The following COL3A1 variants were observed in gnomAD, a reference collection of about 807,000 sequenced individuals.
The protein encoded by COL3A1 is collagen type III alpha 1 chain, also known as collagen alpha-1(III) chain.
In COL3A1, 46 loss-of-function variants were observed where a neutral mutation model predicts 200.9. The observed-to-expected ratio is 0.23, with a 90% confidence interval of 0.18 to 0.29. COL3A1 has a LOEUF of 0.29. Among genes scored for constraint, COL3A1 ranks in the 10% least tolerant of loss-of-function variants. The pLI is 1.00. For synonymous variants in COL3A1, 650 were observed against 628.0 expected (o/e 1.03, Z -0.52); for missense variants, 1,367 against 1,917.6 (o/e 0.71, Z 5.36).
Position 188,988,045 on chromosome 2 carries a change from C to G in COL3A1, c.529-36C>G, listed in dbSNP as rs760814928. ...GCATGGATAAAGTGTATTTTGCATT[C>G]ATTTATTTTGTTTTTCATTCAAATT... On this transcript the variant is annotated intron_variant, in intron 5 of 50. Transcript: ENST00000304636. 7 of 1,513,106 alleles carry G rather than the reference C, an allele frequency of 4.6e-6. No individual in the cohort carries two copies. In the African/African-American group the frequency reaches 8.2e-5, roughly 18 times the overall value. 93.7% of individuals were successfully genotyped at this position (1,513,106 alleles called of 1,614,324 possible). A position where few individuals can be genotyped will look rare whatever the true frequency, so the allele number is the denominator to read the frequency against.
intron 1 of COL3A1, among the ~76,000 whole-genome samples, chr2:188,983,598 C>T (rs1306524815): frequency 6.6e-6 from 1 of 151,890 alleles, no homozygotes; most frequent in Non-Finnish European, 1.5e-5. Context: ...CTTAGGACCA[C>T]TAAAAGGCCT....
At chr2:188,978,411 C>T (rs369639538) in intron 1 of COL3A1, among the ~76,000 whole-genome samples, 1 of 151,974 alleles carries the variant, frequency 6.6e-6, no homozygotes, top group East Asian at 1.9e-4. Context: ...TCTACATCTA[C>T]GGTCACATGC....
rs1294079794 is a variant in COL3A1 at position 189,012,506 on chromosome 2, GC to G, written c.*733del. ...AACTCTAGATCAGAATTGTTGACTT[GC>G]ATTCAGAACATAAATGCACAAAATC... is the stretch of plus-strand genomic sequence containing the variant. On this transcript the variant is annotated 3_prime_UTR_variant, in exon 51 of 51. Coordinates refer to ENST00000304636, the MANE Select transcript of COL3A1 (RefSeq NM_000090.4). 6.6e-6 allele frequency: 1 copy of G among 152,552 alleles called. No individual in the cohort carries two copies. The highest frequency in any genetic ancestry group is 2.4e-5 in the African/African-American group (1 of 41,414). The allele number at this position is 152,552 out of a possible 1,614,324, so 9.4% of individuals were successfully genotyped here.
chr2:188,996,072 A>G, intron 22 of COL3A1, 53 bp from the exon 23 acceptor site: 1 of 1,518,538 alleles, frequency 6.6e-7, no homozygotes. Context: ...TGTATGTAGT[A>G]ATTTTTTATT....
intron 31 of COL3A1, 105 bp downstream of exon 31, chr2:188,999,682 T>C: frequency 7.1e-7 from 1 of 1,402,902 alleles, no homozygotes; most frequent in South Asian, 1.2e-5. Flanking sequence ...AAATTAATGT[T>C]ATCATTTTAT....
intron 1 of COL3A1, chr2:188,978,254 A>G (rs1463832700): frequency 5.5e-6 from 1 of 182,832 alleles, no homozygotes; most frequent in African/African-American, 2.4e-5. Flanking sequence ...AGAAGGAAAG[A>G]CTGTGATTAA....
intron 3 of COL3A1, 105 bp from the exon 4 acceptor site, chr2:188,985,560 C>T (rs1315266662): frequency 1.3e-6 from 1 of 754,012 alleles, no homozygotes; most frequent in Non-Finnish European, 2.2e-6. Context: ...AAATATATTA[C>T]TTATATTGTT....
At chr2:188,993,268 T>G in intron 15 of COL3A1, 93 bp from the exon 16 acceptor site, 1 of 1,074,078 alleles carries the variant, frequency 9.3e-7, no homozygotes. Flanking sequence ...TACTCCAACT[T>G]TTGGGAGATG....
In COL3A1 at chr2:188,994,909, C is replaced by T. The variant is rs567470878; in HGVS notation, c.1455+78C>T. 3 of 1,566,886 alleles carry T rather than the reference C, an allele frequency of 1.9e-6. No individual in the cohort carries two copies. In the South Asian group the frequency reaches 3.3e-5, roughly 17 times the overall value. On this transcript the variant is annotated intron_variant, in intron 20 of 50. Coordinates refer to ENST00000304636, the MANE Select transcript of COL3A1 (RefSeq NM_000090.4). The surrounding 1 kb of genome is among the most constrained non-coding windows in gnomAD (Gnocchi z 4.5). Reference sequence around the variant, plus strand: ...TAAAACTACCTTCAGGGTGAGACAGCCAATTTTTCTTAAGTTGAGTGTTCA... The same window carrying T: ...TAAAACTACCTTCAGGGTGAGACAGTCAATTTTTCTTAAGTTGAGTGTTCA...
At chr2:189,003,328 T>G (rs1688511974) in intron 36 of COL3A1, 83 bp from the exon 37 acceptor site, 1 of 1,192,034 alleles carries the variant, frequency 8.4e-7, no homozygotes, top group Non-Finnish European at 1.2e-6. Flanking sequence ...CTTCATAGAG[T>G]TCCTGGTTTT....
At chr2:188,987,257 C>A in intron 5 of COL3A1, 118 bp downstream of exon 5, 1 of 828,034 alleles carries the variant, frequency 1.2e-6, no homozygotes. Flanking sequence ...AAATAGCTTA[C>A]CCCTACTAAG....
rs1224538144 is a variant in COL3A1, at chr2:189,007,534, C to A, written c.3290C>A (p.Thr1097Lys). 6.2e-7 allele frequency: 1 copy of A among 1,613,528 alleles called. No homozygotes were observed. Among genetic ancestry groups the A allele is most frequent in the Admixed American group, 1.7e-5 (1 of 59,960 alleles). ...PQGPRGDKGE[T>K]GERGAAGIKG... is the part of the protein sequence containing the mutation. ...GGCCCACGTGGTGACAAAGGTGAAA[C>A]AGGTGAACGTGGAGCTGCTGGCATC... is the stretch of plus-strand genomic sequence containing the variant. Residue 1097 changes from threonine (T) to lysine (K), a missense_variant, in exon 45 of 51, where the codon ACA becomes AAA. Coordinates refer to ENST00000304636, the MANE Select transcript of COL3A1 (RefSeq NM_000090.4).
At chr2:188,990,826 C>T (rs1688172716) in intron 10 of COL3A1, among the ~76,000 whole-genome samples, 178 bp from the exon 11 acceptor site, 2 of 152,086 alleles carry the variant, frequency 1.3e-5, no homozygotes, top group African/African-American at 4.8e-5. Flanking sequence ...TTCATGTTTT[C>T]CTGTTGTAAA....
At position 188,989,435 on chromosome 2, in the gene COL3A1, C is replaced by G. The variant is rs768997695; in HGVS notation, c.676C>G (p.Pro226Ala). The G allele has an allele frequency of 6.2e-7, 1 of 1,607,386 alleles. No homozygotes were observed. Among genetic ancestry groups the G allele is most frequent in the South Asian group, 1.1e-5 (1 of 90,450 alleles). ...TCCTGGTGCTATAGGTCCATCTGGT[C>G]CTGCTGGAAAAGATGTAAGTTTTTA... ...GPPGAIGPSG[P>A]AGKDGESGRP... The change falls in exon 8 of 51, where the codon CCT (proline) becomes GCT (alanine). Residue 226 changes from proline to alanine, a missense_variant. Around this residue, in one of 5 missense-constraint regions of COL3A1, gnomAD observed 462 missense variants for 681.4 expected, o/e 0.68. Coordinates refer to ENST00000304636, the MANE Select transcript of COL3A1 (RefSeq NM_000090.4).
rs1315453941 is a variant in COL3A1, at chr2:188,991,011, A to G, written c.806A>G (p.Asp269Gly). The G allele has an allele frequency of 6.2e-7, 1 of 1,613,304 alleles. No homozygotes were observed. Among genetic ancestry groups the G allele is most frequent in the Non-Finnish European group, 8.5e-7 (1 of 1,179,494 alleles). ...FPGMKGHRGF[D>G]GRNGEKGETG... ...GTTTTATACATTTCCTAGGGCTTCG[A>G]TGGACGAAATGGAGAAAAGGGTGAA... is the stretch of plus-strand genomic sequence containing the variant. The change falls in exon 11 of 51, where the codon GAT becomes GGT. Residue 269 changes from aspartate (D) to glycine (G), a missense_variant. By Grantham distance (94) the Asp-to-Gly change is moderately conservative. This residue lies in a region of COL3A1 where 462 missense variants were observed against 681.4 expected (regional missense o/e 0.68). Transcript: ENST00000304636.
In COL3A1 at chr2:188,974,462, C is replaced by A; in HGVS notation, c.-28C>A. 1 of 1,585,714 alleles carries A rather than the reference C, an allele frequency of 6.3e-7. No homozygotes were observed. Among genetic ancestry groups the A allele is most frequent in the Non-Finnish European group, 8.7e-7 (1 of 1,154,820 alleles). The stretch of plus-strand genomic sequence containing the variant: ...CTGCTTTTCTTTTCTCCTTTTTGCA[C>A]AAAGAGTCTCATGTCTGATATTTAG... On this transcript the variant is annotated 5_prime_UTR_variant, in exon 1 of 51. Coordinates refer to ENST00000304636, the MANE Select transcript of COL3A1 (RefSeq NM_000090.4).
chr2:189,003,413 T>C lies in COL3A1; in HGVS notation c.2556T>C (p.Gly852=), dbSNP rs1388203405. Residue 852 remains glycine, a splice_region_variant and synonymous_variant, in exon 37 of 51, where the codon GGT becomes GGC. Transcript: ENST00000304636. ...AGPPGGSGPA[G]PPGPQGVKGE... ...TAATTTCCTTCCATTTCATATAGGGTCCTCCTGGTCCCCAAGGTGTCAAAG... is the reference window on the plus strand; with the variant it reads ...TAATTTCCTTCCATTTCATATAGGGCCCTCCTGGTCCCCAAGGTGTCAAAG... The C allele has an allele frequency of 1.2e-6, 2 of 1,613,750 alleles. No individual in the cohort carries two copies. Among genetic ancestry groups the C allele is most frequent in the African/African-American group, 2.7e-5 (2 of 74,916 alleles).
chr2:189,010,558 T>C, intron 49 of COL3A1, 90 bp from the exon 50 acceptor site: 1 of 1,544,516 alleles, frequency 6.5e-7, no homozygotes, highest in Non-Finnish European at 8.9e-7. Context: ...AAACAGCCCA[T>C]ATTACAATAT....
chr2:188,996,526 A>G (rs1688323952), intron 24 of COL3A1, 30 bp downstream of exon 24: 1 of 1,568,486 alleles, frequency 6.4e-7, no homozygotes, highest in Non-Finnish European at 8.8e-7. Context: ...TCTTCAATAA[A>G]TATTTGACTG....
Sources: allele counts gnomAD v4.1 joint callset (sites outside exome capture counted in the v4.1 genomes callset), GRCh38; gene constraint gnomAD v4.1.1; regional missense constraint gnomAD v4.1.1; non-coding constraint Gnocchi (gnomAD v3.1); transcripts MANE v1.5; gene names NCBI Gene and HGNC (gene_info 2026-07-23, HGNC 2026-07-21).